MACROD2: variants seen among roughly 807,000 people sequenced by gnomAD.
MACROD2 encodes the protein ADP-ribose glycohydrolase MACROD2.
MACROD2 carries 36 observed loss-of-function variants against 70.4 expected under a neutral mutation model. The ratio of observed to expected loss-of-function variants is 0.51; its 90% confidence interval spans 0.39 to 0.68. The LOEUF (loss-of-function observed/expected upper bound fraction) is 0.68. Ranked by LOEUF, MACROD2 falls within the 30% of genes least tolerant of loss-of-function variation. MACROD2 has a pLI of 0.00. For synonymous variants in MACROD2, 172 were observed against 178.8 expected, an observed-to-expected ratio of 0.96 and a Z score of 0.30; for missense variants, 496 against 538.4, an observed-to-expected ratio of 0.92 and a Z score of 0.78.
chr20:15,206,726 T>TTTTTTTTTGTTGTTG (rs1741707578), intron 5 of MACROD2, among the ~76,000 whole-genome samples: 6 of 61,674 alleles, frequency 9.7e-5, no homozygotes, highest in Non-Finnish European at 1.9e-4. Context: ...TCTATGTTTT[T>TTTTTTTTTGTTGTTG]TTTTTTTTTT....
intron 4 of MACROD2, among the ~76,000 whole-genome samples, chr20:14,607,850 T>C (rs1382967781): frequency 6.6e-6 from 1 of 151,938 alleles, no homozygotes; most frequent in African/African-American, 2.4e-5. Context: ...TTAAATGCTA[T>C]GGAAAGAGAA....
At chr20:15,261,503 A>G (rs1015745864) in intron 6 of MACROD2, among the ~76,000 whole-genome samples, 20 of 151,988 alleles carry the variant, frequency 1.3e-4, no homozygotes, top group Non-Finnish European at 2.1e-4. Context: ...AGAAACCTGT[A>G]CTTTTTATAA....
intron 3 of MACROD2, among the ~76,000 whole-genome samples, chr20:14,135,798 C>T (rs1019744762): frequency 1.3e-5 from 2 of 152,188 alleles, no homozygotes; most frequent in East Asian, 1.9e-4. Context: ...AGATTCCCTA[C>T]CATTGATGTG....
chr20:14,278,439 T>C (rs2082277238), intron 3 of MACROD2, among the ~76,000 whole-genome samples: 1 of 152,180 alleles, frequency 6.6e-6, no homozygotes, highest in African/African-American at 2.4e-5. Flanking sequence ...TGAAAATTAA[T>C]TGCTGTGAGT....
intron 7 of MACROD2, among the ~76,000 whole-genome samples, chr20:15,437,155 G>A (rs1414212307): frequency 6.6e-6 from 1 of 152,120 alleles, no homozygotes; most frequent in African/African-American, 2.4e-5. Context: ...TCTTTAAAAG[G>A]GGGATTTAAT....
At chr20:14,167,797 ATAT>A (rs1431495822) in intron 3 of MACROD2, among the ~76,000 whole-genome samples, 1 of 152,192 alleles carries the variant, frequency 6.6e-6, no homozygotes, top group Non-Finnish European at 1.5e-5. Context: ...TATGTATAAA[ATAT>A]TATTTCAAAA....
intron 3 of MACROD2, among the ~76,000 whole-genome samples, chr20:14,200,348 G>A (rs1391440967): frequency 2.6e-5 from 4 of 152,142 alleles, no homozygotes; most frequent in Non-Finnish European, 5.9e-5. Context: ...CCATAGAGGG[G>A]AACAACACAC....
At chr20:15,870,736 G>A (rs546380642) in intron 9 of MACROD2, among the ~76,000 whole-genome samples, 1 of 152,206 alleles carries the variant, frequency 6.6e-6, no homozygotes, top group Admixed American at 6.5e-5. Context: ...CCTAGTCTGG[G>A]GTAGTCTGTA....
chr20:14,462,432 A>T (rs1056625792), intron 3 of MACROD2, among the ~76,000 whole-genome samples: 17 of 151,964 alleles, frequency 1.1e-4, no homozygotes, highest in African/African-American at 4.1e-4. Flanking sequence ...TTCTGGATAT[A>T]AGCCCTTTGT....
At chr20:15,416,769 G>GT (rs1370754857) in intron 6 of MACROD2, among the ~76,000 whole-genome samples, 1 of 151,988 alleles carries the variant, frequency 6.6e-6, no homozygotes, top group Non-Finnish European at 1.5e-5. Context: ...CGGGGCGGTG[G>GT]GGGGGCGCCG....
At chr20:13,999,639 T>C (rs910163235) in intron 1 of MACROD2, among the ~76,000 whole-genome samples, 3 of 152,212 alleles carry the variant, frequency 2.0e-5, no homozygotes, top group African/African-American at 7.2e-5. Context: ...TGACGTTGTT[T>C]ATAGTTTCCT....
At chr20:14,475,332 AT>A in intron 3 of MACROD2, among the ~76,000 whole-genome samples, 1 of 151,706 alleles carries the variant, frequency 6.6e-6, no homozygotes. Flanking sequence ...TAATTAATTA[AT>A]ATAATTATTT....
Position 15,993,055 on chromosome 20 carries a change from C to T in MACROD2, c.1153+5897C>T, listed in dbSNP as rs978725056. On this transcript the variant is annotated intron_variant, in intron 15 of 17. Transcript: ENST00000684519. ...GTGAGTATAATTATTAACATTTGTT[C>T]CTTATATTTAACTTCCTTCCAAAGA... Among the ~76,000 whole-genome samples, 8 of 142,860 alleles carry T rather than the reference C, an allele frequency of 5.6e-5. No homozygotes were observed. In the South Asian group the frequency reaches 1.4e-3, roughly 26 times the overall value. 93.7% of individuals were successfully genotyped at this position (142,860 alleles called of 152,430 possible).
At chr20:14,206,019 A>G (rs2148751211) in intron 3 of MACROD2, among the ~76,000 whole-genome samples, 1 of 152,320 alleles carries the variant, frequency 6.6e-6, no homozygotes, top group East Asian at 1.9e-4. Context: ...AAACCACCCA[A>G]AAAGGTAATC....
At chr20:15,118,614 A>G (rs2076009009) in intron 5 of MACROD2, among the ~76,000 whole-genome samples, 1 of 152,204 alleles carries the variant, frequency 6.6e-6, no homozygotes, top group Non-Finnish European at 1.5e-5. Flanking sequence ...CTCAGTTTCA[A>G]AGGAAATCAG....
intron 6 of MACROD2, among the ~76,000 whole-genome samples, chr20:15,364,045 T>G (rs1278054227): frequency 2.0e-5 from 3 of 152,208 alleles, no homozygotes; most frequent in East Asian, 3.8e-4. Flanking sequence ...TAGATACATT[T>G]AGATGTATTT....
intron 5 of MACROD2, among the ~76,000 whole-genome samples, chr20:14,946,037 G>T (rs968702026): frequency 6.6e-6 from 1 of 152,074 alleles, no homozygotes; most frequent in Non-Finnish European, 1.5e-5. Flanking sequence ...GTGAAACCCT[G>T]TCTCTACTAA....
chr20:15,799,495 C>T lies in MACROD2; in HGVS notation c.646-63250C>T, dbSNP rs553678410. 2.6e-5 allele frequency among the ~76,000 whole-genome samples: 4 copies of T among 152,322 alleles called. No homozygotes were observed. In the East Asian group the frequency reaches 7.7e-4, roughly 29 times the overall value. On this transcript the variant is annotated intron_variant, in intron 8 of 17. Transcript: ENST00000684519. ...TGGGAACCATCATTCTATCCCTCCT[C>T]CATAAGATTAATTTTTTAGCTTCCA... is the stretch of plus-strand genomic sequence containing the variant.
At chr20:14,854,376 A>T (rs2122326836) in intron 5 of MACROD2, among the ~76,000 whole-genome samples, 1 of 152,274 alleles carries the variant, frequency 6.6e-6, no homozygotes, top group South Asian at 2.1e-4. Flanking sequence ...GCTTTGTAAG[A>T]ATAGTTTTTC....
Sources: allele counts gnomAD v4.1 joint callset (sites outside exome capture counted in the v4.1 genomes callset), GRCh38; gene constraint gnomAD v4.1.1; transcripts MANE v1.5; gene names NCBI Gene and HGNC (gene_info 2026-07-23, HGNC 2026-07-21).